FGGY: variants seen among roughly 807,000 people sequenced by gnomAD.
FGGY encodes FGGY carbohydrate kinase domain-containing protein.
In FGGY, 72 loss-of-function variants were observed where a neutral mutation model predicts 71.3. The observed-to-expected ratio is 1.01, with a 90% CI of 0.84 to 1.23. The LOEUF (loss-of-function observed/expected upper bound fraction) is 1.23. FGGY is among the 50% of genes most tolerant of loss of function. FGGY has a pLI of 0.00. For missense variants in FGGY, 668 were observed against 682.3 expected (o/e 0.98, Z 0.23); for synonymous variants, 251 against 250.3 (o/e 1.00, Z -0.02).
At chr1:59,722,959 G>A (rs2097909854) in intron 14 of FGGY, among the ~76,000 whole-genome samples, 1 of 152,088 alleles carries the variant, frequency 6.6e-6, no homozygotes. Flanking sequence ...ACCATGCCCG[G>A]CTAATTTTTT....
intron 5 of FGGY, among the ~76,000 whole-genome samples, chr1:59,402,544 A>G (rs538082676): frequency 1.3e-5 from 2 of 152,366 alleles, no homozygotes; most frequent in African/African-American, 4.8e-5. Flanking sequence ...TAATATAATT[A>G]TATGTTTTTG....
Position 59,329,013 on chromosome 1 carries a change from A to G in FGGY, c.201+7263A>G, listed in dbSNP as rs187158030. ...TATTATTAAGAATTACCAGAATGTGACACAGACATGAGGTGACATGAGCTA... is the reference window on the plus strand; with the variant it reads ...TATTATTAAGAATTACCAGAATGTGGCACAGACATGAGGTGACATGAGCTA... On this transcript the variant is annotated intron_variant, in intron 2 of 15. Transcript: ENST00000303721. Among the ~76,000 whole-genome samples, 17 of 152,350 alleles carry G rather than the reference A, an allele frequency of 1.1e-4. 1 individual carries two copies. In the East Asian group the frequency reaches 2.7e-3, roughly 24 times the overall value.
At chr1:59,320,502 A>T (rs1241527609) in intron 1 of FGGY, among the ~76,000 whole-genome samples, 2 of 152,194 alleles carry the variant, frequency 1.3e-5, no homozygotes, top group Non-Finnish European at 2.9e-5. Context: ...TTTCAAAGCC[A>T]ATCTGGAAAA....
At chr1:59,564,714 C>T (rs2095847629) in intron 8 of FGGY, among the ~76,000 whole-genome samples, 1 of 152,202 alleles carries the variant, frequency 6.6e-6, no homozygotes. Flanking sequence ...CTTTGGAAAA[C>T]ATTTTAGCAG....
At chr1:59,743,376 C>T (rs1431522657) in intron 14 of FGGY, among the ~76,000 whole-genome samples, 1 of 152,194 alleles carries the variant, frequency 6.6e-6, no homozygotes, top group Non-Finnish European at 1.5e-5. Context: ...GGTCAGGGAT[C>T]AGAGCTGTCT....
At chr1:59,398,666 G>A (rs1298736762) in intron 5 of FGGY, among the ~76,000 whole-genome samples, 2 of 152,040 alleles carry the variant, frequency 1.3e-5, no homozygotes, top group Non-Finnish European at 2.9e-5. Context: ...CCAGTTTTGG[G>A]GACCACTCTT....
chr1:59,407,589 C>T lies in FGGY; in HGVS notation c.554+28752C>T, dbSNP rs142373798. ...AAAATATTCTGATAGTTATCCTGAC[C>T]AGGCTCTAACAGGGCCTCCTTCCCT... On this transcript the variant is annotated intron_variant, in intron 5 of 15. Transcript: ENST00000303721. 1.1e-3 allele frequency among the ~76,000 whole-genome samples: 165 copies of T among 152,228 alleles called. 2 individuals are homozygous for T. Among genetic ancestry groups the T allele is most frequent in the Non-Finnish European group, 1.2e-3 (82 of 68,002 alleles).
At chr1:59,610,045 T>G (rs868516470) in intron 9 of FGGY, among the ~76,000 whole-genome samples, 47 of 152,246 alleles carry the variant, frequency 3.1e-4, no homozygotes, top group African/African-American at 1.1e-3. Context: ...TTCTCCTATT[T>G]AAACTTGTGC....
intron 14 of FGGY, among the ~76,000 whole-genome samples, chr1:59,754,373 T>A (rs999338176): frequency 1.3e-5 from 2 of 151,272 alleles, no homozygotes; most frequent in Admixed American, 1.3e-4. Flanking sequence ...TCCTCAGGAA[T>A]CCTTTCCTTT....
intron 5 of FGGY, among the ~76,000 whole-genome samples, chr1:59,428,934 G>T (rs2066859765): frequency 6.6e-6 from 1 of 152,152 alleles, no homozygotes; most frequent in Non-Finnish European, 1.5e-5. Flanking sequence ...TGAAAATCCT[G>T]GTCCTTACCC....
chr1:59,476,687 T>C (rs886871154), intron 6 of FGGY, among the ~76,000 whole-genome samples: 10 of 152,248 alleles, frequency 6.6e-5, no homozygotes, highest in Non-Finnish European at 1.3e-4. Context: ...AGTTTTGGGT[T>C]TTCTCATCAA....
chr1:59,385,616 G>A lies in FGGY; in HGVS notation c.554+6779G>A, dbSNP rs913806766. Among the ~76,000 whole-genome samples the A allele has an allele frequency of 4.1e-5, 6 of 144,972 alleles. No individual in the cohort carries two copies. In the East Asian group the frequency reaches 9.1e-4, roughly 22 times the overall value. On this transcript the variant is annotated intron_variant, in intron 5 of 15. Coordinates refer to ENST00000303721, the MANE Select transcript of FGGY (RefSeq NM_018291.5). The stretch of plus-strand genomic sequence containing the variant: ...ACATTTGAATAGTAGGAATTTTTTA[G>A]TAGTCAGAAAAATATATGTATAAAT...
intron 7 of FGGY, among the ~76,000 whole-genome samples, chr1:59,536,311 A>G (rs1168736718): frequency 6.6e-6 from 1 of 152,202 alleles, no homozygotes; most frequent in East Asian, 1.9e-4. Flanking sequence ...GACCAATAAC[A>G]GGCTCTGAAA....
intron 4 of FGGY, among the ~76,000 whole-genome samples, chr1:59,362,486 C>T (rs564748931): frequency 2.2e-4 from 33 of 152,360 alleles, no homozygotes; most frequent in African/African-American, 7.2e-4. Context: ...AGATTTACCT[C>T]TTACTGCATC....
At chr1:59,653,296 G>C (rs6671322) in intron 11 of FGGY, among the ~76,000 whole-genome samples, 88 of 152,252 alleles carry the variant, frequency 5.8e-4, no homozygotes, top group Middle Eastern at 3.4e-3. Flanking sequence ...TCGAGCTTTT[G>C]GGCTGCTTTG....
At chr1:59,755,039 T>C (rs2098278264) in intron 14 of FGGY, 1 of 152,192 alleles carries the variant, frequency 6.6e-6, no homozygotes, top group South Asian at 2.1e-4. Context: ...AGAGGATCTC[T>C]TCATACTTCA....
chr1:59,548,836 A>G (rs767176953), intron 7 of FGGY, among the ~76,000 whole-genome samples: 12 of 152,170 alleles, frequency 7.9e-5, no homozygotes, highest in Non-Finnish European at 1.3e-4. Flanking sequence ...TAGCACTGTT[A>G]TGGGTACTTT....
chr1:59,550,783 A>G (rs922601027), intron 7 of FGGY, among the ~76,000 whole-genome samples: 3 of 152,174 alleles, frequency 2.0e-5, no homozygotes, highest in Non-Finnish European at 2.9e-5. Flanking sequence ...ATGTAAGACA[A>G]TTATAACATC....
At chr1:59,463,768 A>C (rs913241889) in intron 6 of FGGY, among the ~76,000 whole-genome samples, 34 of 152,206 alleles carry the variant, frequency 2.2e-4, no homozygotes, top group Non-Finnish European at 2.8e-4. Flanking sequence ...GAGACAAAGA[A>C]GGCCATTACA....
Sources: gnomAD v4.1 joint callset for allele counts (sites outside exome capture counted in the v4.1 genomes callset) on GRCh38, gnomAD v4.1.1 for gene constraint, MANE v1.5 for transcripts, NCBI Gene and HGNC (gene_info 2026-07-23, HGNC 2026-07-21) for gene names.